The following SAXO1 variants were observed in gnomAD, a reference collection of about 807,000 sequenced individuals.
The protein encoded by SAXO1 is stabilizer of axonemal microtubules 1.
SAXO1 carries 21 observed loss-of-function variants against 17.5 expected under a neutral mutation model. That is an observed-to-expected ratio of 1.20 (90% CI 0.85 to 1.72). The LOEUF (loss-of-function observed/expected upper bound fraction) is 1.72. Ranked by LOEUF, SAXO1 falls within the 40% of genes most tolerant of loss-of-function variation. The pLI is 0.00. For missense variants in SAXO1, 843 were observed against 596.0 expected (o/e 1.41, Z -4.32); for synonymous variants, 274 against 216.5 (o/e 1.27, Z -2.33).
At chr9:19,027,834 G>A (rs1341231592) in intron 1 of SAXO1, 13 of 1,450,408 alleles carry the variant, frequency 9.0e-6, no homozygotes, top group African/African-American at 1.4e-5. Flanking sequence ...GTCACAAACC[G>A]GGTGGACATC....
intron 1 of SAXO1, among the ~76,000 whole-genome samples, chr9:19,008,906 G>A (rs1834603715): frequency 6.6e-6 from 1 of 152,144 alleles, no homozygotes; most frequent in Admixed American, 6.5e-5. Context: ...ACTCAGCGAG[G>A]GGAAAGCTGA....
At chr9:18,966,567 T>C (rs1391975664) in intron 1 of SAXO1, among the ~76,000 whole-genome samples, 1 of 152,220 alleles carries the variant, frequency 6.6e-6, no homozygotes, top group African/African-American at 2.4e-5. Context: ...ACCAAGCTCT[T>C]GTGCTGTGTT....
At chr9:18,946,670 G>C (rs1831811797) in intron 2 of SAXO1, among the ~76,000 whole-genome samples, 2 of 151,848 alleles carry the variant, frequency 1.3e-5, no homozygotes, top group African/African-American at 2.4e-5. Context: ...TAATTATGGA[G>C]ACCAACTCCA....
At chr9:18,988,005 A>G (rs1833665047) in intron 1 of SAXO1, among the ~76,000 whole-genome samples, 1 of 152,244 alleles carries the variant, frequency 6.6e-6, no homozygotes, top group Non-Finnish European at 1.5e-5. Flanking sequence ...CAGGCACTGT[A>G]ATGGTTCCCT....
At chr9:19,012,408 A>C (rs778817084) in intron 1 of SAXO1, among the ~76,000 whole-genome samples, 2 of 152,270 alleles carry the variant, frequency 1.3e-5, no homozygotes, top group Admixed American at 6.5e-5. Flanking sequence ...TTATTAAAAT[A>C]ATCTGTAATA....
chr9:18,994,909 C>G (rs899240169), intron 1 of SAXO1, among the ~76,000 whole-genome samples: 2 of 152,180 alleles, frequency 1.3e-5, no homozygotes, highest in African/African-American at 4.8e-5. Context: ...AGTGAGCTAA[C>G]AAGACATGTT....
intron 1 of SAXO1, among the ~76,000 whole-genome samples, chr9:18,968,262 C>G (rs536677785): frequency 1.2e-4 from 19 of 152,042 alleles, no homozygotes; most frequent in African/African-American, 4.6e-4. Flanking sequence ...CCAGGCTGGT[C>G]TCGAACTCTT....
intron 1 of SAXO1, among the ~76,000 whole-genome samples, chr9:18,987,730 C>G (rs143522035): frequency 2.0e-5 from 3 of 151,910 alleles, no homozygotes; most frequent in African/African-American, 7.2e-5. Flanking sequence ...GAGACCTCAT[C>G]TCTACAAAAA....
rs368153224 is a variant in SAXO1 at position 18,933,970 on chromosome 9, C to T, written c.422-4915G>A. 8.3e-4 allele frequency among the ~76,000 whole-genome samples: 127 copies of T among 152,234 alleles called. 1 individual carries two copies. The highest frequency in any genetic ancestry group is 3.7e-3 in the South Asian group (18 of 4,818). ...CTGAGGCAGGAGAATGGTGTGAACC[C>T]GGGAGGCGGAGCTTGCAGTGAGCCG... On this transcript the variant is annotated intron_variant, in intron 3 of 3. Transcript: ENST00000380534.
At chr9:18,933,032 A>G (rs932046594) in intron 3 of SAXO1, among the ~76,000 whole-genome samples, 8 of 152,304 alleles carry the variant, frequency 5.3e-5, no homozygotes, top group African/African-American at 1.9e-4. Flanking sequence ...CTTTTCTTGC[A>G]TTATTGCACT....
At chr9:18,992,698 G>A (rs188924294) in intron 1 of SAXO1, among the ~76,000 whole-genome samples, 6 of 152,254 alleles carry the variant, frequency 3.9e-5, no homozygotes, top group African/African-American at 1.4e-4. Flanking sequence ...GACAGACGTT[G>A]GCACATTGGA....
intron 1 of SAXO1, among the ~76,000 whole-genome samples, chr9:19,009,449 A>G (rs1324605331): frequency 6.6e-6 from 1 of 152,220 alleles, no homozygotes; most frequent in Non-Finnish European, 1.5e-5. Context: ...ATGATGATAT[A>G]AACAGCTCAA....
At chr9:19,030,240 A>G (rs529055676) in intron 1 of SAXO1, among the ~76,000 whole-genome samples, 107 of 152,332 alleles carry the variant, frequency 7.0e-4, no homozygotes, top group Non-Finnish European at 1.3e-4. Flanking sequence ...ACCTGATCCA[A>G]TTCAAGGTGT....
intron 1 of SAXO1, among the ~76,000 whole-genome samples, chr9:19,025,823 A>C (rs1011837470): frequency 1.3e-5 from 2 of 152,238 alleles, no homozygotes; most frequent in Admixed American, 6.5e-5. Flanking sequence ...CTACATTTTA[A>C]TCTCAGGAGG....
In SAXO1 at chr9:18,932,187, T is replaced by C. The variant is rs561745416; in HGVS notation, c.422-3132A>G. On this transcript the variant is annotated intron_variant, in intron 3 of 3. Coordinates refer to ENST00000380534, the MANE Select transcript of SAXO1 (RefSeq NM_153707.4). Reference sequence around the variant, plus strand: ...TTTGAAACATTTATAGTTTTAGCTATTACATTTAGGTTTCTGACTCTTTTG... The same window carrying C: ...TTTGAAACATTTATAGTTTTAGCTACTACATTTAGGTTTCTGACTCTTTTG... Among the ~76,000 whole-genome samples, 17 of 152,372 alleles carry C rather than the reference T, an allele frequency of 1.1e-4. No homozygotes were observed. The East Asian group carries it at 3.3e-3, about 29-fold the overall frequency.
chr9:19,002,775 A>C (rs1272743580), intron 1 of SAXO1, among the ~76,000 whole-genome samples: 1 of 152,218 alleles, frequency 6.6e-6, no homozygotes, highest in Non-Finnish European at 1.5e-5. Flanking sequence ...TGACAAACCC[A>C]CAGCCAATAT....
At chr9:18,945,034 C>G (rs139401827) in intron 2 of SAXO1, among the ~76,000 whole-genome samples, 1 of 152,266 alleles carries the variant, frequency 6.6e-6, no homozygotes, top group African/African-American at 2.4e-5. Context: ...CTAGGCCATG[C>G]TTTTCTCTCT....
Position 18,959,702 on chromosome 9 carries a change from C to T in SAXO1, c.39-8765G>A, listed in dbSNP as rs373336322. Among the ~76,000 whole-genome samples the T allele has an allele frequency of 2.1e-3, 309 of 149,982 alleles. 2 individuals are homozygous for T. The South Asian group carries it at 0.029, about 14-fold the overall frequency. On this transcript the variant is annotated intron_variant, in intron 1 of 3. Coordinates refer to ENST00000380534, the MANE Select transcript of SAXO1 (RefSeq NM_153707.4). Reference sequence around the variant, plus strand: ...AGGAGAATCACTTGCACCAGGGAGGCGGAGGTTGCAATGAGCCAAGACTGC... The same window carrying T: ...AGGAGAATCACTTGCACCAGGGAGGTGGAGGTTGCAATGAGCCAAGACTGC...
At chr9:19,008,306 T>G (rs374509121) in intron 1 of SAXO1, among the ~76,000 whole-genome samples, 5 of 152,186 alleles carry the variant, frequency 3.3e-5, no homozygotes, top group East Asian at 1.9e-4. Context: ...AAAAGATTGC[T>G]GATTTCTGAT....
Sources: gnomAD v4.1 joint callset for allele counts (sites outside exome capture counted in the v4.1 genomes callset) on GRCh38, gnomAD v4.1.1 for gene constraint, MANE v1.5 for transcripts, NCBI Gene and HGNC (gene_info 2026-07-23, HGNC 2026-07-21) for gene names.